The following E2F8 variants were observed in gnomAD, a reference collection of about 807,000 sequenced individuals.
The protein encoded by E2F8 is E2F transcription factor 8.
In E2F8, 35 loss-of-function variants were observed where a neutral mutation model predicts 80.8. The observed-to-expected ratio is 0.43, with a 90% CI of 0.33 to 0.57. The LOEUF is 0.57. Among genes scored for constraint, E2F8 ranks in the 20% least tolerant of loss-of-function variants. The probability of loss-of-function intolerance (pLI) is 0.04; values close to 1 mark genes in which losing one functional copy is unlikely to be tolerated. For synonymous variants in E2F8, 386 were observed against 395.0 expected (o/e 0.98, Z 0.27); for missense variants, 975 against 1,056.2 (o/e 0.92, Z 1.07).
chr11:19,235,598 T>G (rs811092), intron 4 of E2F8, among the ~76,000 whole-genome samples: 21,597 of 151,502 alleles, frequency 0.14, 2,884 homozygotes, highest in African/African-American at 0.35. Context: ...GCAGTGAGCC[T>G]AGATCGCGCC....
chr11:19,237,303 T>C lies in E2F8; in HGVS notation c.451+11A>G, dbSNP rs991765411. 2 of 1,613,696 alleles carry C rather than the reference T, an allele frequency of 1.2e-6. No individual in the cohort carries two copies. Among genetic ancestry groups the C allele is most frequent in the Admixed American group, 3.3e-5 (2 of 59,976 alleles). On this transcript the variant is annotated intron_variant, in intron 4 of 12. Coordinates refer to ENST00000250024, the MANE Select transcript of E2F8 (RefSeq NM_024680.4). ...TTATTAATTCTTTCAGTGAGTTCTT[T>C]GCATACTTACTAAGTTCCTCTGCCA...
rs762427473 is a variant in E2F8 at position 19,237,263 on chromosome 11, A to T, written c.451+51T>A. 3.1e-6 allele frequency: 5 copies of T among 1,590,598 alleles called. No homozygotes were observed. In the African/African-American group the frequency reaches 4.0e-5, roughly 13 times the overall value. ...GCGGGGGTCTGAAGGAGTTAAGTCCATAAAGCCACTTTAATTATTAATTCT... is the reference window on the plus strand; with the variant it reads ...GCGGGGGTCTGAAGGAGTTAAGTCCTTAAAGCCACTTTAATTATTAATTCT... On this transcript the variant is annotated intron_variant, in intron 4 of 12. Coordinates refer to ENST00000250024, the MANE Select transcript of E2F8 (RefSeq NM_024680.4).
At position 19,234,974 on chromosome 11, in the gene E2F8, G is replaced by A. The variant is rs1851475379; in HGVS notation, c.536C>T (p.Thr179Ile). Residue 179 changes from threonine to isoleucine, a missense_variant, in exon 5 of 13, where the codon ACT becomes ATT. By Grantham distance (89) the Thr-to-Ile change is moderately conservative. Transcript: ENST00000250024. ...MVSRLAKNRY[T>I]WHGRHNLNKT... ...GTTGAGATTGTGTCGCCCGTGCCAA[G>A]TGTACCTGTTTTTGGCGAGGCGGCT... 1 of 1,614,092 alleles carries A rather than the reference G, an allele frequency of 6.2e-7. No individual in the cohort carries two copies. Among genetic ancestry groups the A allele is most frequent in the African/African-American group, 1.3e-5 (1 of 74,920 alleles).
rs148519863 is a variant in E2F8 at position 19,226,347 on chromosome 11, A to G, written c.1894-483T>C. Among the ~76,000 whole-genome samples the G allele has an allele frequency of 3.5e-3, 531 of 152,378 alleles. 3 individuals are homozygous for G. Among genetic ancestry groups the G allele is most frequent in the African/African-American group, 0.012 (497 of 41,594 alleles). ...ATAATTGGAAAATACTGAATTAAAC[A>G]AAGTCAAATGGTGTCTTTATTAGAG... On this transcript the variant is annotated intron_variant, in intron 10 of 12. Transcript: ENST00000250024.
chr11:19,229,523 G>T lies in E2F8; in HGVS notation c.1824C>A (p.Ser608Arg), dbSNP rs759341175. 6.2e-7 allele frequency: 1 copy of T among 1,614,244 alleles called. No individual in the cohort carries two copies. Among genetic ancestry groups the T allele is most frequent in the Non-Finnish European group, 8.5e-7 (1 of 1,180,048 alleles). ...PAGERGSKRA[S>R]MLEDSGSKKK... ...TTTTGGAACCACTGTCCTCGAGCAT[G>T]CTTGCCCTCTTTGAGCCTCTTTCTC... Residue 608 changes from serine to arginine, a missense_variant, in exon 10 of 13, where the codon AGC becomes AGA. Coordinates refer to ENST00000250024, the MANE Select transcript of E2F8 (RefSeq NM_024680.4). The surrounding 1 kb of genome is among the most constrained non-coding windows in gnomAD (Gnocchi z 4.3).
Position 19,224,748 on chromosome 11 carries a change from G to A in E2F8, c.2514C>T (p.Cys838=), listed in dbSNP as rs765466346. 4.3e-6 allele frequency: 7 copies of A among 1,614,102 alleles called. No individual in the cohort carries two copies. Among genetic ancestry groups the A allele is most frequent in the Non-Finnish European group, 5.9e-6 (7 of 1,180,050 alleles). ...GGPTKPTSSS[C]MDFEGANKTS... ...TTTTATTAGCACCCTCAAAATCCAT[G>A]CAGGATGAGCTGGTTGGCTTGGTGG... Residue 838 remains cysteine, a synonymous_variant, in exon 13 of 13, where the codon TGC becomes TGT. Transcript: ENST00000250024.
At chr11:19,232,639 C>T (rs1442736960) in intron 6 of E2F8, among the ~76,000 whole-genome samples, 1 of 152,202 alleles carries the variant, frequency 6.6e-6, no homozygotes, top group Non-Finnish European at 1.5e-5. Flanking sequence ...TTGATGAGAT[C>T]ACCCTATCTG....
At chr11:19,239,627 C>T (rs1851608831) in intron 2 of E2F8, among the ~76,000 whole-genome samples, 1 of 151,734 alleles carries the variant, frequency 6.6e-6, no homozygotes, top group Non-Finnish European at 1.5e-5. Flanking sequence ...GTCAAATGCC[C>T]TTTCTGAATT....
chr11:19,230,753 A>C lies in E2F8; in HGVS notation c.1148T>G (p.Phe383Cys). The C allele has an allele frequency of 6.2e-7, 1 of 1,614,100 alleles. No homozygotes were observed. Among genetic ancestry groups the C allele is most frequent in the Non-Finnish European group, 8.5e-7 (1 of 1,179,958 alleles). The change falls in exon 8 of 13, where the codon TTT becomes TGT. Residue 383 changes from phenylalanine to cysteine, a missense_variant. By Grantham distance (205) the Phe-to-Cys change is radical. Transcript: ENST00000250024. ...AAAGTTTGGTTTCCCACGTGTGGAA[A>C]AGAGGTTTTTGGCACAGTTCTCTTT... ...SSKENCAKNLFSTRGKPNFTR... is the reference protein window; with the variant it reads ...SSKENCAKNLCSTRGKPNFTR...
chr11:19,230,449 G>T, intron 8 of E2F8, 121 bp from the exon 9 acceptor site: 2 of 1,208,686 alleles, frequency 1.7e-6, no homozygotes, highest in Non-Finnish European at 1.2e-6. Context: ...GTTGCATAGC[G>T]ATTAAACAAT....
At position 19,229,821 on chromosome 11, in the gene E2F8, G is replaced by A; in HGVS notation, c.1526C>T (p.Pro509Leu). The A allele has an allele frequency of 6.2e-7, 1 of 1,613,956 alleles. No individual in the cohort carries two copies. The highest frequency in any genetic ancestry group is 1.3e-5 in the African/African-American group (1 of 75,028). ...LIPSPLSSAV[P>L]LILPQAPSGP... ...TGAAGGGGCCTGAGGTAGGATCAGGGGCACTGCTGATGACAAGGGGCTGGG... is the reference window on the plus strand; with the variant it reads ...TGAAGGGGCCTGAGGTAGGATCAGGAGCACTGCTGATGACAAGGGGCTGGG... Residue 509 changes from proline to leucine, a missense_variant, in exon 10 of 13, where the codon CCC (proline) becomes CTC (leucine). Pro to Leu is a moderately conservative substitution (Grantham distance 98). Coordinates refer to ENST00000250024, the MANE Select transcript of E2F8 (RefSeq NM_024680.4). This position sits in a 1 kb window ranked among gnomAD's most constrained non-coding sequence, Gnocchi z 4.3.
chr11:19,230,107 T>C, intron 9 of E2F8, 119 bp from the exon 10 acceptor site: 2 of 1,487,570 alleles, frequency 1.3e-6, no homozygotes, highest in South Asian at 1.3e-5. Context: ...ATTTCTGTAA[T>C]GAGTGAGTAT....
intron 10 of E2F8, among the ~76,000 whole-genome samples, chr11:19,227,298 G>A (rs1851260886): frequency 6.6e-6 from 1 of 152,150 alleles, no homozygotes; most frequent in Non-Finnish European, 1.5e-5. Context: ...ACTAGTAGGT[G>A]CCTTGAAAAC....
chr11:19,229,423 A>G lies in E2F8; in HGVS notation c.1893+31T>C. 5.1e-6 allele frequency: 8 copies of G among 1,568,498 alleles called. No individual in the cohort carries two copies. Among genetic ancestry groups the G allele is most frequent in the Non-Finnish European group, 6.9e-6 (8 of 1,160,460 alleles). Reference sequence around the variant, plus strand: ...TCCTGTAATAGACTAGGGAATTCCTAAAGCTTTGTGCAGTTCAAGGCTGTA... The same window carrying G: ...TCCTGTAATAGACTAGGGAATTCCTGAAGCTTTGTGCAGTTCAAGGCTGTA... On this transcript the variant is annotated intron_variant, in intron 10 of 12. Transcript: ENST00000250024. This position sits in a 1 kb window ranked among gnomAD's most constrained non-coding sequence, Gnocchi z 4.3.
chr11:19,237,851 T>C lies in E2F8; in HGVS notation c.294+3A>G, dbSNP rs755625329. 1.2e-6 allele frequency: 2 copies of C among 1,607,092 alleles called. No homozygotes were observed. Among genetic ancestry groups the C allele is most frequent in the East Asian group, 2.2e-5 (1 of 44,664 alleles). ...GCCTCCAACCAGTCCTCTGAAAACC[T>C]ACGTGTATACAGTCTTTGGCCTCAG... is the stretch of plus-strand genomic sequence containing the variant. On this transcript the variant is annotated splice_donor_region_variant and intron_variant, in intron 3 of 12. Coordinates refer to ENST00000250024, the MANE Select transcript of E2F8 (RefSeq NM_024680.4).
chr11:19,235,761 T>C (rs1255221585), intron 4 of E2F8, among the ~76,000 whole-genome samples: 1 of 152,000 alleles, frequency 6.6e-6, no homozygotes, highest in African/African-American at 2.4e-5. Context: ...TTTAAAACTC[T>C]ACATCTCACA....
chr11:19,233,645 G>A (rs1157271604), intron 6 of E2F8, among the ~76,000 whole-genome samples: 1 of 151,760 alleles, frequency 6.6e-6, no homozygotes, highest in East Asian at 2.0e-4. Flanking sequence ...ACGCCACCAC[G>A]CCCGGCTAAT....
intron 6 of E2F8, among the ~76,000 whole-genome samples, chr11:19,233,198 A>G (rs910885433): frequency 6.6e-6 from 1 of 152,118 alleles, no homozygotes; most frequent in Admixed American, 6.5e-5. Flanking sequence ...GCTCCTCCCC[A>G]TCCGCTGAGC....
intron 4 of E2F8, among the ~76,000 whole-genome samples, chr11:19,235,539 C>T (rs1188319326): frequency 1.3e-5 from 2 of 152,148 alleles, no homozygotes; most frequent in Non-Finnish European, 2.9e-5. Context: ...GTCCCAGCTA[C>T]TCAGGAGGCT....
Sources: gnomAD v4.1 joint callset for allele counts (sites outside exome capture counted in the v4.1 genomes callset) on GRCh38, gnomAD v4.1.1 for gene constraint, Gnocchi (gnomAD v3.1) non-coding constraint, MANE v1.5 for transcripts, NCBI Gene and HGNC (gene_info 2026-07-23, HGNC 2026-07-21) for gene names.